Variants in XRN1 observed in about 807,000 individuals in gnomAD.
The protein encoded by XRN1 is strand-exchange protein 1 homolog.
XRN1 carries 67 observed loss-of-function variants against 222.3 expected under a neutral mutation model. The observed-to-expected ratio is 0.30, with a 90% CI of 0.25 to 0.37. XRN1 has a LOEUF of 0.37. Ranked by LOEUF, XRN1 falls within the 10% of genes least tolerant of loss-of-function variation. XRN1 has a pLI of 1.00. For synonymous variants in XRN1, 643 were observed against 652.4 expected (o/e 0.99, Z 0.22); for missense variants, 1,707 against 2,000.2 (o/e 0.85, Z 2.80).
intron 29 of XRN1, 21 bp downstream of exon 29, chr3:142,365,026 T>C (rs760901206): frequency 6.2e-7 from 1 of 1,606,162 alleles, no homozygotes; most frequent in South Asian, 1.1e-5. Flanking sequence ...GTTGAAGACA[T>C]TTCAAGTATT....
Position 142,384,700 on chromosome 3 carries a change from A to G in XRN1, c.2340-15T>C, listed in dbSNP as rs759383986. 1.3e-6 allele frequency: 2 copies of G among 1,565,636 alleles called. No homozygotes were observed. The highest frequency in any genetic ancestry group is 1.7e-6 in the Non-Finnish European group (2 of 1,153,072). On this transcript the variant is annotated splice_polypyrimidine_tract_variant and intron_variant, in intron 20 of 40. Transcript: ENST00000392981. ...TTCTCAGGTAGCTAAAATAAAGAAT[A>G]AACATGAAATATACATATGAATGAG...
At chr3:142,392,556 T>G (rs1209111714) in intron 20 of XRN1, among the ~76,000 whole-genome samples, 7 of 152,036 alleles carry the variant, frequency 4.6e-5, no homozygotes, top group African/African-American at 1.2e-4. Flanking sequence ...TTCCCACCTA[T>G]GAGTGAGAAT....
At chr3:142,405,347 A>G (rs1464971654) in intron 15 of XRN1, among the ~76,000 whole-genome samples, 1 of 152,220 alleles carries the variant, frequency 6.6e-6, no homozygotes, top group African/African-American at 2.4e-5. Context: ...TAAGCAAGGC[A>G]GCAGAAAATC....
intron 39 of XRN1, among the ~76,000 whole-genome samples, chr3:142,316,197 G>C (rs1471601640): frequency 3.4e-5 from 5 of 148,228 alleles, no homozygotes; most frequent in Admixed American, 6.7e-5. Context: ...GTTTTTACTT[G>C]AGTTAGTCAT....
chr3:142,444,966 A>G (rs1036787048), intron 1 of XRN1, among the ~76,000 whole-genome samples: 2 of 151,964 alleles, frequency 1.3e-5, no homozygotes, highest in Non-Finnish European at 2.9e-5. Flanking sequence ...TAGCTAATAA[A>G]TTAATTCACT....
intron 25 of XRN1, among the ~76,000 whole-genome samples, chr3:142,373,211 T>G (rs1322370023): frequency 6.6e-6 from 1 of 152,032 alleles, no homozygotes; most frequent in Non-Finnish European, 1.5e-5. Context: ...AGCCAGAGAA[T>G]AAGGACACAC....
At chr3:142,374,533 T>C (rs1416896900) in intron 25 of XRN1, among the ~76,000 whole-genome samples, 1 of 152,190 alleles carries the variant, frequency 6.6e-6, no homozygotes, top group East Asian at 1.9e-4. Context: ...CATAAGGAAG[T>C]AAACCTTTAA....
intron 21 of XRN1, 103 bp downstream of exon 21, chr3:142,384,420 T>A (rs528122765): frequency 1.2e-6 from 1 of 864,484 alleles, no homozygotes; most frequent in Non-Finnish European, 1.7e-6. Context: ...CTATTATACA[T>A]TGCTGAATTA....
At chr3:142,438,767 C>T (rs2070050543) in intron 1 of XRN1, among the ~76,000 whole-genome samples, 1 of 152,162 alleles carries the variant, frequency 6.6e-6, no homozygotes, top group African/African-American at 2.4e-5. Context: ...ACAGCTAGAC[C>T]TCTTCTGTAG....
chr3:142,429,156 T>C (rs992199860), intron 2 of XRN1, among the ~76,000 whole-genome samples: 1 of 149,326 alleles, frequency 6.7e-6, no homozygotes, highest in Non-Finnish European at 1.5e-5. Context: ...TTTTTTTTTT[T>C]TTTTTTTTTG....
At chr3:142,429,774 T>C (rs117024233) in intron 2 of XRN1, 2 of 152,318 alleles carry the variant, frequency 1.3e-5, no homozygotes, top group East Asian at 1.9e-4. Context: ...TTTTGCCAAT[T>C]AGATGCCTCC....
intron 23 of XRN1, among the ~76,000 whole-genome samples, chr3:142,377,687 T>C (rs757908594): frequency 2.6e-5 from 4 of 152,036 alleles, no homozygotes; most frequent in Non-Finnish European, 5.9e-5. Context: ...TCCTAGAAAA[T>C]ATAAAATAAG....
intron 37 of XRN1, among the ~76,000 whole-genome samples, chr3:142,329,176 T>C (rs1259188685): frequency 6.6e-6 from 1 of 152,138 alleles, no homozygotes; most frequent in African/African-American, 2.4e-5. Context: ...AAATTGCTAC[T>C]GTAGGCCAAG....
chr3:142,379,783 AAATCTG>A (rs2067248397), intron 23 of XRN1, among the ~76,000 whole-genome samples: 1 of 152,212 alleles, frequency 6.6e-6, no homozygotes, highest in Non-Finnish European at 1.5e-5. Context: ...TAAAACACCT[AAATCTG>A]TTCCCAGAGG....
rs2107941281 is a variant in XRN1, at chr3:142,383,510, G to A, written c.2503-97C>T. ...GATTATGACTATGCTGTTTGCAAAT[G>A]TCAATGTGAAGATTTTTCTACATAA... is the stretch of plus-strand genomic sequence containing the variant. On this transcript the variant is annotated intron_variant, in intron 21 of 40. Transcript: ENST00000392981. 3.9e-6 allele frequency: 4 copies of A among 1,024,132 alleles called. No individual in the cohort carries two copies. The Admixed American group carries it at 8.2e-5, about 21-fold the overall frequency. The allele number at this position is 1,024,132 out of a possible 1,614,324, so 63.4% of individuals were successfully genotyped here.
chr3:142,377,612 A>G (rs1424906839), intron 23 of XRN1, among the ~76,000 whole-genome samples: 1 of 152,220 alleles, frequency 6.6e-6, no homozygotes, highest in Non-Finnish European at 1.5e-5. Context: ...AATTGCCAAC[A>G]GTACTCCTTT....
At chr3:142,373,291 C>A (rs561460567) in intron 25 of XRN1, among the ~76,000 whole-genome samples, 2 of 151,496 alleles carry the variant, frequency 1.3e-5, no homozygotes, top group East Asian at 3.9e-4. Flanking sequence ...AATGAATTTC[C>A]CAAAGTAGAA....
chr3:142,307,441 C>A lies in XRN1; in HGVS notation c.*4070G>T, dbSNP rs1447850389. ...CTTTTGGAAACCATAGTCTCCTTCA[C>A]AAATTGCACTTGAGATGGCTGAATG... is the stretch of plus-strand genomic sequence containing the variant. On this transcript the variant is annotated 3_prime_UTR_variant, in exon 41 of 41. Transcript: ENST00000392981. 6.6e-6 allele frequency: 1 copy of A among 152,084 alleles called. No homozygotes were observed. Among genetic ancestry groups the A allele is most frequent in the Non-Finnish European group, 1.5e-5 (1 of 68,006 alleles). The allele number at this position is 152,084 out of a possible 1,614,324, so 9.4% of individuals were successfully genotyped here. A position where few individuals can be genotyped will look rare whatever the true frequency, so the allele number is the denominator to read the frequency against.
chr3:142,376,231 TCA>T, intron 24 of XRN1: 1 of 629,834 alleles, frequency 1.6e-6, no homozygotes, highest in Non-Finnish European at 2.6e-6. Context: ...CTACTGAGGT[TCA>T]CACACACCCT....
Sources: gnomAD v4.1 joint callset for allele counts (sites outside exome capture counted in the v4.1 genomes callset) on GRCh38, gnomAD v4.1.1 for gene constraint, MANE v1.5 for transcripts, NCBI Gene and HGNC (gene_info 2026-07-23, HGNC 2026-07-21) for gene names.